Variants in DMD observed in about 807,000 individuals in gnomAD.
DMD encodes mutant dystrophin.
A neutral mutation model predicts 330.1 loss-of-function variants in DMD; 63 were observed. The observed-to-expected ratio is 0.19, with a 90% CI of 0.16 to 0.24. The LOEUF (loss-of-function observed/expected upper bound fraction) is 0.24. Among genes scored for constraint, DMD ranks in the 10% least tolerant of loss-of-function variants. DMD has a pLI of 1.00. For missense variants in DMD, 3,344 were observed against 2,684.1 expected, an observed-to-expected ratio of 1.25 and a Z score of -5.43; for synonymous variants, 1,223 against 959.8, an observed-to-expected ratio of 1.27 and a Z score of -5.07.
intron 11 of DMD, among the ~76,000 whole-genome samples, chrX:32,627,159 C>G (rs866251725): frequency 5.6e-4 from 36 of 64,186 alleles, no homozygotes; most frequent in South Asian, 1.3e-3. Context: ...CCCCCCCCCC[C>G]GCCCCAGGAC....
At chrX:32,132,988 C>CTTT (rs1569545918) in intron 44 of DMD, among the ~76,000 whole-genome samples, 1 of 15,041 alleles carries the variant, frequency 6.6e-5, no homozygotes, top group African/African-American at 2.1e-4. Flanking sequence ...CACTCCTTTT[C>CTTT]TTTTCTTTTT....
In DMD at chrX:31,530,671, ATT is replaced by A. The variant is rs1176859928; in HGVS notation, c.8218-23220_8218-23219del. On this transcript the variant is annotated intron_variant, in intron 55 of 78. Coordinates refer to ENST00000357033, the MANE Select transcript of DMD (RefSeq NM_004006.3). ...TCTTTTTTTTTTTTTTTTTTTTTTA[ATT>A]TTTTTTTTTTTTTTATTATACTCTA... 5.5e-3 allele frequency among the ~76,000 whole-genome samples: 305 copies of A among 55,961 alleles called. 1 individual carries two copies. The highest frequency in any genetic ancestry group is 0.019 in the African/African-American group (269 of 14,061). The allele number at this position is 55,961 out of a possible 115,157, so 48.6% of individuals were successfully genotyped here.
Position 32,021,568 on chromosome X carries a change from C to T in DMD, c.6439-53054G>A, listed in dbSNP as rs187006947. On this transcript the variant is annotated intron_variant, in intron 44 of 78. Transcript: ENST00000357033. The stretch of plus-strand genomic sequence containing the variant: ...TTCTTTAAACCTGTGCTGTCCAACA[C>T]GGTAGCCATTAGCCACCTGTGGCTA... 2.9e-3 allele frequency among the ~76,000 whole-genome samples: 329 copies of T among 112,008 alleles called. 3 individuals carry two copies. Among genetic ancestry groups the T allele is most frequent in the African/African-American group, 0.01 (315 of 30,892 alleles).
At chrX:32,856,143 C>T (rs1050521142) in intron 2 of DMD, among the ~76,000 whole-genome samples, 26 of 111,622 alleles carry the variant, frequency 2.3e-4, no homozygotes, top group Admixed American at 2.1e-3. Context: ...GGCTTATATC[C>T]AACAGACAGG....
chrX:31,978,842 G>C (rs1464235122), intron 44 of DMD, among the ~76,000 whole-genome samples: 1 of 111,630 alleles, frequency 9.0e-6, no homozygotes, highest in Non-Finnish European at 1.9e-5. Flanking sequence ...CTAGTGCCTA[G>C]TAACGTGTTG....
chrX:31,818,497 T>G (rs945306914), intron 50 of DMD, among the ~76,000 whole-genome samples: 5 of 111,377 alleles, frequency 4.5e-5, no homozygotes, highest in South Asian at 3.8e-4. Flanking sequence ...ATATGGGACA[T>G]AAACTCATGA....
At chrX:32,842,146 AT>A (rs2080215491) in intron 4 of DMD, among the ~76,000 whole-genome samples, 1 of 112,044 alleles carries the variant, frequency 8.9e-6, no homozygotes, top group South Asian at 3.7e-4. Flanking sequence ...AGGGAGCCCC[AT>A]TGAGAAAAGA....
chrX:32,731,103 T>C (rs372484729), intron 7 of DMD, among the ~76,000 whole-genome samples: 1,838 of 111,672 alleles, frequency 0.016, 44 homozygotes, highest in African/African-American at 0.056. Context: ...ACTCGGGAAG[T>C]GCAAGGGGTC....
rs2098269097 is a variant in DMD at position 32,438,286 on chromosome X, C to T, written c.4026G>A (p.Glu1342=). The part of the protein sequence containing the change: ...DGGVMDELIN[E]ELETFNSRWR... ...AACGAGAATTAAATGTCTCAAGTTC[C>T]TCATTGATTAGCTCATCCATGACTC... The change falls in exon 29 of 79, where the codon GAG becomes GAA. Residue 1342 remains glutamate (E), a synonymous_variant. Transcript: ENST00000357033. 1.7e-6 allele frequency: 2 copies of T among 1,209,526 alleles called. No homozygotes were observed. Among genetic ancestry groups the T allele is most frequent in the Admixed American group, 4.4e-5 (2 of 45,697 alleles).
intron 47 of DMD, among the ~76,000 whole-genome samples, chrX:31,927,857 G>A (rs1013096175): frequency 2.7e-5 from 3 of 111,592 alleles, no homozygotes; most frequent in African/African-American, 6.5e-5. Flanking sequence ...ACTCAGTATC[G>A]TAAAGATGTT....
chrX:31,898,889 G>A (rs762549298), intron 47 of DMD, among the ~76,000 whole-genome samples: 5 of 111,590 alleles, frequency 4.5e-5, no homozygotes, highest in Admixed American at 9.5e-5. Flanking sequence ...ATCATGAGGG[G>A]AAATAGCTTT....
chrX:31,684,271 G>C (rs1270241883), intron 52 of DMD, among the ~76,000 whole-genome samples: 1 of 112,223 alleles, frequency 8.9e-6, no homozygotes. Context: ...TTGGTGTCAA[G>C]AGAAGTTTTT....
intron 63 of DMD, among the ~76,000 whole-genome samples, chrX:31,250,853 G>A (rs958440958): frequency 1.8e-5 from 2 of 110,929 alleles, no homozygotes; most frequent in Admixed American, 1.9e-4. Flanking sequence ...GGAGGCGGAG[G>A]CTGGCAGATC....
At chrX:32,367,986 A>G (rs763350216) in intron 34 of DMD, among the ~76,000 whole-genome samples, 1 of 112,135 alleles carries the variant, frequency 8.9e-6, no homozygotes, top group East Asian at 2.8e-4. Flanking sequence ...TCATTTGTAT[A>G]CATGCTGTTT....
At chrX:31,706,552 C>A (rs746873330) in intron 52 of DMD, among the ~76,000 whole-genome samples, 31 of 94,871 alleles carry the variant, frequency 3.3e-4, no homozygotes, top group Non-Finnish European at 6.0e-4. Flanking sequence ...CTGAGTTTAT[C>A]AACATTTTTT....
chrX:33,319,666 C>G (rs1418098994), intron 1 of DMD, among the ~76,000 whole-genome samples: 1 of 112,114 alleles, frequency 8.9e-6, no homozygotes, highest in Non-Finnish European at 1.9e-5. Flanking sequence ...TCGTCATAGA[C>G]AGATGTAAAT....
intron 52 of DMD, among the ~76,000 whole-genome samples, chrX:31,712,049 TAA>T (rs1166101038): frequency 7.2e-5 from 8 of 111,339 alleles, no homozygotes; most frequent in Admixed American, 6.8e-4. Context: ...TATCTGTATA[TAA>T]GTGTTGCTAA....
At chrX:33,280,123 C>T (rs1451396355) in intron 1 of DMD, among the ~76,000 whole-genome samples, 1 of 110,380 alleles carries the variant, frequency 9.1e-6, no homozygotes, top group Non-Finnish European at 1.9e-5. Context: ...GGTGGTACTA[C>T]AGGTGTGCGC....
intron 1 of DMD, among the ~76,000 whole-genome samples, chrX:33,239,179 C>A (rs1226208682): frequency 1.9e-5 from 2 of 104,217 alleles, no homozygotes; most frequent in Admixed American, 1.1e-4. Flanking sequence ...ATCACTTGAA[C>A]CCCGGAGGTG....
Sources: gnomAD v4.1 joint callset for allele counts (sites outside exome capture counted in the v4.1 genomes callset) on GRCh38, gnomAD v4.1.1 for gene constraint, MANE v1.5 for transcripts, NCBI Gene and HGNC (gene_info 2026-07-23, HGNC 2026-07-21) for gene names.